F8: variants seen among roughly 807,000 people sequenced by gnomAD.
F8 encodes the protein antihemophilic factor.
F8 carries 12 observed loss-of-function variants against 140.6 expected under a neutral mutation model. That is an observed-to-expected ratio of 0.09 (90% CI 0.05 to 0.14). F8 has a LOEUF of 0.14. Among genes scored for constraint, F8 ranks in the 10% least tolerant of loss-of-function variants. F8 has a pLI of 1.00. For synonymous variants in F8, 585 were observed against 614.6 expected, an observed-to-expected ratio of 0.95 and a Z score of 0.71; for missense variants, 1,354 against 1,720.7, an observed-to-expected ratio of 0.79 and a Z score of 3.77.
At chrX:154,936,401 C>T (rs893902620) in intron 13 of F8, among the ~76,000 whole-genome samples, 2 of 111,295 alleles carry the variant, frequency 1.8e-5, no homozygotes, top group Non-Finnish European at 3.8e-5. Flanking sequence ...AAATATATAC[C>T]ACACAAACAT....
intron 14 of F8, among the ~76,000 whole-genome samples, chrX:154,914,780 C>G (rs782171956): frequency 8.9e-6 from 1 of 111,903 alleles, no homozygotes; most frequent in South Asian, 3.7e-4. Context: ...CTCCAGGTCT[C>G]TAGGAAGTTC....
chrX:154,983,297 A>G (rs1243268464), intron 6 of F8, among the ~76,000 whole-genome samples: 2 of 111,815 alleles, frequency 1.8e-5, no homozygotes, highest in Non-Finnish European at 3.8e-5. Flanking sequence ...ACCATTTTTA[A>G]GTGTACAGTT....
intron 1 of F8, among the ~76,000 whole-genome samples, chrX:155,018,534 C>T (rs1182101154): frequency 9.2e-6 from 1 of 108,626 alleles, no homozygotes; most frequent in Non-Finnish European, 1.9e-5. Flanking sequence ...AAAAGAGCAC[C>T]ACCAGCAACA....
In F8 at chrX:154,897,972, C is replaced by T. The variant is rs782367964; in HGVS notation, c.6274-1740G>A. On this transcript the variant is annotated intron_variant, in intron 21 of 25. Coordinates refer to ENST00000360256, the MANE Select transcript of F8 (RefSeq NM_000132.4). ...AGTTTGACAATTACAGACTCAACAG[C>T]TTCACCTATGTGCCCAGCCAGGTGT... 5.3e-5 allele frequency: 6 copies of T among 112,634 alleles called. No homozygotes were observed. The South Asian group carries it at 1.4e-3, about 27-fold the overall frequency. The allele number at this position is 112,634 out of a possible 1,213,427, so 9.3% of individuals were successfully genotyped here.
chrX:154,993,874 G>A (rs903028240), intron 3 of F8, among the ~76,000 whole-genome samples: 10 of 111,826 alleles, frequency 8.9e-5, no homozygotes, highest in Non-Finnish European at 1.7e-4. Flanking sequence ...ATGTTTGGTG[G>A]GGGACATAGA....
chrX:154,947,946 C>T, intron 12 of F8, 39 bp from the exon 13 acceptor site: 1 of 1,036,431 alleles, frequency 9.6e-7, no homozygotes, highest in Non-Finnish European at 1.4e-6. Context: ...AGACACATCA[C>T]AGATTTAGTA....
chrX:154,977,738 G>A (rs1311284843), intron 6 of F8, among the ~76,000 whole-genome samples: 1 of 109,998 alleles, frequency 9.1e-6, no homozygotes, highest in Non-Finnish European at 1.9e-5. Context: ...CCCTGGAGAA[G>A]ACCTTTTTGC....
intron 25 of F8, among the ~76,000 whole-genome samples, chrX:154,857,234 A>G (rs957531912): frequency 6.2e-5 from 7 of 112,034 alleles, no homozygotes; most frequent in Non-Finnish European, 1.1e-4. Flanking sequence ...ACTGCCCATC[A>G]TGAACTAGGT....
intron 13 of F8, among the ~76,000 whole-genome samples, chrX:154,939,258 T>C (rs1569559718): frequency 8.9e-6 from 1 of 112,182 alleles, no homozygotes; most frequent in Admixed American, 9.4e-5. Context: ...GGGAATTCCC[T>C]TTCCTAGTCA....
chrX:154,999,941 A>G (rs954049680), intron 1 of F8, among the ~76,000 whole-genome samples: 3 of 112,162 alleles, frequency 2.7e-5, no homozygotes, highest in African/African-American at 9.7e-5. Context: ...TGTACCTAAA[A>G]TTATACTTCC....
intron 13 of F8, among the ~76,000 whole-genome samples, chrX:154,941,237 C>A (rs1376842722): frequency 9.0e-6 from 1 of 111,666 alleles, no homozygotes; most frequent in African/African-American, 3.3e-5. Context: ...GATAAAGAGT[C>A]AAGACCCATC....
chrX:155,018,046 T>C (rs782233053), intron 1 of F8, among the ~76,000 whole-genome samples: 14 of 108,257 alleles, frequency 1.3e-4, no homozygotes, highest in Admixed American at 4.0e-4. Context: ...TTTTTTTTTT[T>C]TGGTAGACAC....
chrX:154,980,566 G>GA (rs781909007), intron 6 of F8, among the ~76,000 whole-genome samples: 1 of 112,069 alleles, frequency 8.9e-6, no homozygotes, highest in South Asian at 3.7e-4. Context: ...ATTCTTTGCA[G>GA]ATGTGCATCC....
chrX:154,986,094 G>A (rs1029210821), intron 5 of F8, among the ~76,000 whole-genome samples: 5 of 111,936 alleles, frequency 4.5e-5, no homozygotes, highest in African/African-American at 1.6e-4. Flanking sequence ...AGAAAAAGGA[G>A]AAGCTTACTT....
intron 7 of F8, 71 bp downstream of exon 7, chrX:154,969,260 T>C: frequency 1.0e-6 from 1 of 969,615 alleles, no homozygotes; most frequent in Admixed American, 2.3e-5. Context: ...TTCCTGTACA[T>C]TGTCCAGTAA....
chrX:154,865,710 G>A (rs1284806051), intron 22 of F8, among the ~76,000 whole-genome samples: 3 of 63,047 alleles, frequency 4.8e-5, no homozygotes, highest in African/African-American at 6.6e-5. Context: ...CCCCCACACA[G>A]TAGATATACA....
intron 14 of F8, among the ~76,000 whole-genome samples, chrX:154,923,303 G>A (rs2073141720): frequency 1.8e-5 from 2 of 111,612 alleles, no homozygotes; most frequent in African/African-American, 6.5e-5. Context: ...TGCTTTCCCT[G>A]GTCAATTATC....
At chrX:154,969,214 G>A in intron 7 of F8, 117 bp downstream of exon 7, 1 of 701,049 alleles carries the variant, frequency 1.4e-6, no homozygotes, top group East Asian at 3.5e-5. Flanking sequence ...GTCTAATACA[G>A]TAACTCTATA....
At chrX:154,922,507 A>G (rs1353799538) in intron 14 of F8, among the ~76,000 whole-genome samples, 2 of 112,543 alleles carry the variant, frequency 1.8e-5, no homozygotes, top group Non-Finnish European at 3.8e-5. Context: ...CAGAGAAGAT[A>G]GACAATAAAG....
Sources: allele counts gnomAD v4.1 joint callset (sites outside exome capture counted in the v4.1 genomes callset), GRCh38; gene constraint gnomAD v4.1.1; transcripts MANE v1.5; gene names NCBI Gene and HGNC (gene_info 2026-07-23, HGNC 2026-07-21).